The following IRS1 variants were observed in gnomAD, a reference collection of about 807,000 sequenced individuals.
IRS1 encodes the protein insulin receptor substrate 1.
IRS1 carries 34 observed loss-of-function variants against 65.6 expected under a neutral mutation model. That is an observed-to-expected ratio of 0.52 (90% CI 0.39 to 0.69). The LOEUF is 0.69. IRS1 is among the 30% of genes least tolerant of loss of function. The pLI is 0.00. For synonymous variants in IRS1, 699 were observed against 683.5 expected (o/e 1.02, Z -0.35); for missense variants, 1,641 against 1,720.2 (o/e 0.95, Z 0.81).
Position 226,797,133 on chromosome 2 carries a change from G to A in IRS1, c.1606C>T (p.His536Tyr). The A allele has an allele frequency of 6.2e-7, 1 of 1,613,876 alleles. No homozygotes were observed. The highest frequency in any genetic ancestry group is 8.5e-7 in the Non-Finnish European group (1 of 1,179,984). Residue 536 changes from histidine (H) to tyrosine (Y), a missense_variant, in exon 1 of 2, where the codon CAC becomes TAC. Around this residue, in one of 3 missense-constraint regions of IRS1, gnomAD observed 1,324 missense variants for 1,361.0 expected, o/e 0.97. Transcript: ENST00000305123. The surrounding 1 kb of genome is among the most constrained non-coding windows in gnomAD (Gnocchi z 8.1). ...HSAGTSPTIT[H>Y]QKTPSQSSVA... ...GAGGACTGGGACGGGGTCTTCTGGT[G>A]GGTAATGGTAGGGGATGTGCCTGCC... is the stretch of plus-strand genomic sequence containing the variant.
At chr2:226,754,013 T>G (rs979279483) in intron 1 of IRS1, among the ~76,000 whole-genome samples, 4 of 152,050 alleles carry the variant, frequency 2.6e-5, no homozygotes, top group African/African-American at 9.7e-5. Flanking sequence ...CCACCATGCC[T>G]GCCTAATTAT....
chr2:226,767,593 C>T (rs1939080548), intron 1 of IRS1, among the ~76,000 whole-genome samples: 1 of 152,178 alleles, frequency 6.6e-6, no homozygotes. Flanking sequence ...GGCCAAGCAT[C>T]CAGACAGGCC....
chr2:226,790,275 T>G (rs1939564782), intron 1 of IRS1, among the ~76,000 whole-genome samples: 2 of 152,016 alleles, frequency 1.3e-5, no homozygotes, highest in Non-Finnish European at 2.9e-5. Flanking sequence ...TCCCAAGAAC[T>G]GCTTTTTCCA....
Position 226,795,873 on chromosome 2 carries a change from C to T in IRS1, c.2866G>A (p.Glu956Lys). 1 of 1,613,746 alleles carries T rather than the reference C, an allele frequency of 6.2e-7. No homozygotes were observed. Among genetic ancestry groups the T allele is most frequent in the Non-Finnish European group, 8.5e-7 (1 of 1,180,032 alleles). ...CTGCCCATCTCGACCCCAGTGCTCT[C>T]CTGCCAGGCTGCCCTCCGGCCCGGC... ...LGPGRRAAWQ[E>K]STGVEMGRLG... Residue 956 changes from glutamate to lysine, a missense_variant, in exon 1 of 2, where the codon GAG (glutamate) becomes AAG (lysine). Glu to Lys is a moderately conservative substitution (Grantham distance 56). Coordinates refer to ENST00000305123, the MANE Select transcript of IRS1 (RefSeq NM_005544.3).
rs764067433 is a variant in IRS1 at position 226,797,155 on chromosome 2, T to C, written c.1584A>G (p.Ala528=). The C allele has an allele frequency of 6.2e-7, 1 of 1,613,946 alleles. No homozygotes were observed. The highest frequency in any genetic ancestry group is 8.5e-7 in the Non-Finnish European group (1 of 1,180,012). ...DNRFRKRTHS[A]GTSPTITHQK... ...GGTGGGTAATGGTAGGGGATGTGCC[T>C]GCCGAGTGAGTTCTCTTTCGGAACC... Residue 528 remains alanine (A), a synonymous_variant, in exon 1 of 2, where the codon GCA becomes GCG. Coordinates refer to ENST00000305123, the MANE Select transcript of IRS1 (RefSeq NM_005544.3). The surrounding 1 kb of genome is among the most constrained non-coding windows in gnomAD (Gnocchi z 8.1).
At position 226,797,645 on chromosome 2, in the gene IRS1, A is replaced by C; in HGVS notation, c.1094T>G (p.Leu365Arg). The change falls in exon 1 of 2, where the codon CTG (leucine) becomes CGG (arginine). Residue 365 changes from leucine (L) to arginine (R), a missense_variant. Leu to Arg is a moderately radical substitution (Grantham distance 102, BLOSUM62 -2). Coordinates refer to ENST00000305123, the MANE Select transcript of IRS1 (RefSeq NM_005544.3). This position sits in a 1 kb window ranked among gnomAD's most constrained non-coding sequence, Gnocchi z 8.1. ...GCGGCTGTGGTTGAGCGGGGGGTGC[A>C]GCCGGGCGCTGCCCCGATGCCGGTG... is the stretch of plus-strand genomic sequence containing the variant. ...HAHRHRGSAR[L>R]HPPLNHSRSI... The C allele has an allele frequency of 6.3e-7, 1 of 1,591,256 alleles. No individual in the cohort carries two copies. Among genetic ancestry groups the C allele is most frequent in the Non-Finnish European group, 8.5e-7 (1 of 1,174,966 alleles).
In IRS1 at chr2:226,731,740, G is replaced by A. The variant is rs1938224075; in HGVS notation, c.*4532C>T. Reference sequence around the variant, plus strand: ...ATGAAAATACATATATGTTTAATTTGGCCCACCCTGTAGCCAAGAGGTGTA... The same window carrying A: ...ATGAAAATACATATATGTTTAATTTAGCCCACCCTGTAGCCAAGAGGTGTA... On this transcript the variant is annotated 3_prime_UTR_variant, in exon 2 of 2. Transcript: ENST00000305123. The A allele has an allele frequency of 6.6e-6, 1 of 151,936 alleles. No homozygotes were observed. Among genetic ancestry groups the A allele is most frequent in the African/African-American group, 2.4e-5 (1 of 41,358 alleles). 9.4% of individuals were successfully genotyped at this position (151,936 alleles called of 1,614,324 possible).
intron 1 of IRS1, among the ~76,000 whole-genome samples, chr2:226,773,027 T>C (rs1314984909): frequency 6.6e-6 from 1 of 152,164 alleles, no homozygotes; most frequent in Non-Finnish European, 1.5e-5. Context: ...CCTTTTAGGC[T>C]TTGGTGACAG....
rs1223515130 is a variant in IRS1 at position 226,796,471 on chromosome 2, G to A, written c.2268C>T (p.Pro756=). 3 of 1,613,824 alleles carry A rather than the reference G, an allele frequency of 1.9e-6. No individual in the cohort carries two copies. Among genetic ancestry groups the A allele is most frequent in the Non-Finnish European group, 8.5e-7 (1 of 1,180,036 alleles). ...PSDCYYGPED[P]QHKPVLSYYS... ...AGTAGGAGAGGACTGGCTTGTGCTGGGGGTCCTCAGGGCCGTAGTAGCAGT... is the reference window on the plus strand; with the variant it reads ...AGTAGGAGAGGACTGGCTTGTGCTGAGGGTCCTCAGGGCCGTAGTAGCAGT... Residue 756 remains proline (P), a synonymous_variant, in exon 1 of 2, where the codon CCC becomes CCT. Transcript: ENST00000305123.
chr2:226,767,063 C>T (rs1574651359), intron 1 of IRS1, among the ~76,000 whole-genome samples: 4 of 151,424 alleles, frequency 2.6e-5, no homozygotes, highest in Admixed American at 2.6e-4. Context: ...CTCACATTTA[C>T]CTGATTAGTG....
At chr2:226,779,111 G>T (rs1225089457) in intron 1 of IRS1, among the ~76,000 whole-genome samples, 1 of 152,122 alleles carries the variant, frequency 6.6e-6, no homozygotes, top group Non-Finnish European at 1.5e-5. Context: ...GCTCTCTCAT[G>T]ACAGGTCTAC....
Position 226,798,931 on chromosome 2 carries a change from G to T in IRS1, c.-193C>A, listed in dbSNP as rs1243671255. ...AGGAGGACGCAGCTGCTGAGCCCAG[G>T]AGAGAGCCCGACCGGAGTTTTCGGG... On this transcript the variant is annotated 5_prime_UTR_variant, in exon 1 of 2. Coordinates refer to ENST00000305123, the MANE Select transcript of IRS1 (RefSeq NM_005544.3). This position sits in a 1 kb window ranked among gnomAD's most constrained non-coding sequence, Gnocchi z 9.4. 6.9e-7 allele frequency: 1 copy of T among 1,457,604 alleles called. No individual in the cohort carries two copies. Among genetic ancestry groups the T allele is most frequent in the African/African-American group, 1.4e-5 (1 of 70,064 alleles). The allele number at this position is 1,457,604 out of a possible 1,614,324, so 90.3% of individuals were successfully genotyped here.
At chr2:226,755,792 G>T (rs971272096) in intron 1 of IRS1, among the ~76,000 whole-genome samples, 1 of 152,146 alleles carries the variant, frequency 6.6e-6, no homozygotes, top group Non-Finnish European at 1.5e-5. Context: ...AAAACTGGGT[G>T]GCCCCATACC....
intron 1 of IRS1, among the ~76,000 whole-genome samples, chr2:226,736,634 CCTT>C (rs79532899): frequency 0.061 from 9,287 of 152,186 alleles, 416 homozygotes; most frequent in East Asian, 0.19. Context: ...TGTTGTATCT[CCTT>C]CTGGTTGAAA....
At position 226,799,531 on chromosome 2, in the gene IRS1, C is replaced by A; in HGVS notation, c.-793G>T. The stretch of plus-strand genomic sequence containing the variant: ...CCGGAGGGACAGACTCATCCCTGCC[C>A]CTCGCTCCAGGCGGCTGGGGAGGAG... On this transcript the variant is annotated 5_prime_UTR_variant, in exon 1 of 2. Coordinates refer to ENST00000305123, the MANE Select transcript of IRS1 (RefSeq NM_005544.3). The surrounding 1 kb of genome is among the most constrained non-coding windows in gnomAD (Gnocchi z 6.1). 3 of 1,083,866 alleles carry A rather than the reference C, an allele frequency of 2.8e-6. No individual in the cohort carries two copies. Among genetic ancestry groups the A allele is most frequent in the Non-Finnish European group, 3.4e-6 (3 of 878,058 alleles). 67.1% of individuals were successfully genotyped at this position (1,083,866 alleles called of 1,614,324 possible). A position where few individuals can be genotyped will look rare whatever the true frequency, so the allele number is the denominator to read the frequency against.
chr2:226,795,976 G>C lies in IRS1; in HGVS notation c.2763C>G (p.Val921=), dbSNP rs920905931. 3 of 1,614,122 alleles carry C rather than the reference G, an allele frequency of 1.9e-6. No individual in the cohort carries two copies. Among genetic ancestry groups the C allele is most frequent in the Non-Finnish European group, 2.5e-6 (3 of 1,180,046 alleles). The change falls in exon 1 of 2, where the codon GTC becomes GTG. Residue 921 remains valine, a synonymous_variant. Transcript: ENST00000305123. ...CTGGCTGGAGCTGGGATGGACACCT[G>C]ACAGAAGGTGAGCTGTGGAAAGCCA... ...GPVAFHSSPS[V]RCPSQLQPAP...
intron 1 of IRS1, among the ~76,000 whole-genome samples, chr2:226,754,267 AACC>A (rs1938749312): frequency 6.6e-6 from 1 of 152,194 alleles, no homozygotes; most frequent in Non-Finnish European, 1.5e-5. Flanking sequence ...TATTTTAGTA[AACC>A]ATTCCTGGAG....
Position 226,736,157 on chromosome 2 carries a change from A to C in IRS1, c.*115T>G, listed in dbSNP as rs1938319933. The C allele has an allele frequency of 1.3e-5, 2 of 152,616 alleles. No homozygotes were observed. The highest frequency in any genetic ancestry group is 6.5e-5 in the Admixed American group (1 of 15,276). The allele number at this position is 152,616 out of a possible 1,614,324, so 9.5% of individuals were successfully genotyped here. On this transcript the variant is annotated 3_prime_UTR_variant, in exon 2 of 2. Transcript: ENST00000305123. Reference sequence around the variant, plus strand: ...GCATCGTACCATCTACTGATGAGGAAGATATGAGGTCCTAGTTGTGAATCA... The same window carrying C: ...GCATCGTACCATCTACTGATGAGGACGATATGAGGTCCTAGTTGTGAATCA...
chr2:226,763,408 A>G (rs1486722546), intron 1 of IRS1, among the ~76,000 whole-genome samples: 1 of 151,670 alleles, frequency 6.6e-6, no homozygotes, highest in East Asian at 1.9e-4. Flanking sequence ...CAAAAATACT[A>G]CAACAAAATC....
Sources: allele counts gnomAD v4.1 joint callset (sites outside exome capture counted in the v4.1 genomes callset), GRCh38; gene constraint gnomAD v4.1.1; regional missense constraint gnomAD v4.1.1; non-coding constraint Gnocchi (gnomAD v3.1); transcripts MANE v1.5; gene names NCBI Gene and HGNC (gene_info 2026-07-23, HGNC 2026-07-21).